The following LDAH variants were observed in gnomAD, a reference collection of about 807,000 sequenced individuals.
The protein encoded by LDAH is lipid droplet associated hydrolase.
A neutral mutation model predicts 29.6 loss-of-function variants in LDAH; 26 were observed. The ratio of observed to expected loss-of-function variants is 0.88; its 90% CI spans 0.64 to 1.22. The LOEUF is 1.22. LDAH is among the 50% of genes most tolerant of loss of function. The pLI is 0.00. For missense variants in LDAH, 344 were observed against 387.3 expected, an observed-to-expected ratio of 0.89 and a Z score of 0.94; for synonymous variants, 117 against 133.0, an observed-to-expected ratio of 0.88 and a Z score of 0.83.
downstream of LDAH, among the ~76,000 whole-genome samples, chr2:20,682,633 T>C (rs1395308053): frequency 2.0e-5 from 3 of 152,138 alleles, no homozygotes; most frequent in Admixed American, 6.5e-5. Flanking sequence ...GAACAAGAGA[T>C]CAAACTTGCA....
chr2:20,740,000 G>A lies in LDAH; in HGVS notation c.674C>T (p.Pro225Leu). 6.2e-7 allele frequency: 1 copy of A among 1,613,716 alleles called. No individual in the cohort carries two copies. The highest frequency in any genetic ancestry group is 8.5e-7 in the Non-Finnish European group (1 of 1,179,704). Reference protein sequence around the residue: ...QVMNLENEFSPLNILEPFCLA... With the variant: ...QVMNLENEFSLLNILEPFCLA... ...GCAGAATGGTTCTAATATATTCAAT[G>A]GTGAAAATTCATTCTCTAGGTTCAT... The change falls in exon 5 of 7, where the codon CCA (proline) becomes CTA (leucine). Residue 225 changes from proline to leucine, a missense_variant. Pro to Leu is a moderately conservative substitution (Grantham distance 98, BLOSUM62 -3). Coordinates refer to ENST00000237822, the MANE Select transcript of LDAH (RefSeq NM_021925.4).
chr2:20,716,536 T>C (rs1004429802), intron 5 of LDAH, among the ~76,000 whole-genome samples: 6 of 146,130 alleles, frequency 4.1e-5, no homozygotes, highest in East Asian at 2.0e-4. Context: ...ATGAGAACAC[T>C]TGGACACAGG....
chr2:20,693,301 G>A (rs574471342), intron 6 of LDAH, among the ~76,000 whole-genome samples: 1 of 152,142 alleles, frequency 6.6e-6, no homozygotes, highest in Non-Finnish European at 1.5e-5. Context: ...CCCTGCTCAA[G>A]GAAAAAGAAT....
In LDAH at chr2:20,716,192, A is replaced by G. The variant is rs372922201; in HGVS notation, c.704-14540T>C. On this transcript the variant is annotated intron_variant, in intron 5 of 6. Transcript: ENST00000237822. ...GGCAATTCCTCAAGGATCTAGAACT[A>G]GAAATACCATTTGATCCAGCGATCC... is the stretch of plus-strand genomic sequence containing the variant. Among the ~76,000 whole-genome samples the G allele has an allele frequency of 1.5e-3, 225 of 152,302 alleles. 4 individuals carry two copies. The South Asian group carries it at 0.043, about 29-fold the overall frequency.
chr2:20,761,177 A>T (rs559614581), intron 4 of LDAH, among the ~76,000 whole-genome samples: 1 of 152,338 alleles, frequency 6.6e-6, no homozygotes, highest in African/African-American at 2.4e-5. Flanking sequence ...AGGTCAATGC[A>T]GTGGTTAATC....
At chr2:20,821,558 T>G (rs566120795) in intron 1 of LDAH, among the ~76,000 whole-genome samples, 16 of 152,158 alleles carry the variant, frequency 1.1e-4, no homozygotes, top group African/African-American at 3.1e-4. Context: ...TAGGTGGGAA[T>G]TGAACAATGA....
intron 4 of LDAH, among the ~76,000 whole-genome samples, chr2:20,755,129 T>TTGTGTGTGTGTGTG (rs70939051): frequency 4.2e-4 from 50 of 118,296 alleles, no homozygotes; most frequent in African/African-American, 1.7e-3. Context: ...GTGTCTGTGT[T>TTGTGTGTGTGTGTG]TGTGTGTGTG....
In LDAH at chr2:20,685,752, G is replaced by C; in HGVS notation, c.*1151C>G. ...TCAATTTAGGGGAGGCAGCAATATT[G>C]TCAGCCCACTCTAGGCCAGGGAATA... On this transcript the variant is annotated 3_prime_UTR_variant, in exon 7 of 7. Coordinates refer to ENST00000237822, the MANE Select transcript of LDAH (RefSeq NM_021925.4). 2 of 1,431,766 alleles carry C rather than the reference G, an allele frequency of 1.4e-6. No individual in the cohort carries two copies. Among genetic ancestry groups the C allele is most frequent in the Non-Finnish European group, 1.9e-6 (2 of 1,072,150 alleles). 88.7% of individuals were successfully genotyped at this position (1,431,766 alleles called of 1,614,324 possible).
chr2:20,738,551 G>T (rs1666965615), intron 5 of LDAH, among the ~76,000 whole-genome samples: 2 of 152,050 alleles, frequency 1.3e-5, no homozygotes, highest in Non-Finnish European at 2.9e-5. Context: ...CTCTCTTAGG[G>T]TCTGGATCGG....
chr2:20,728,638 T>C (rs967513857), intron 5 of LDAH, among the ~76,000 whole-genome samples: 6 of 152,054 alleles, frequency 3.9e-5, no homozygotes, highest in African/African-American at 1.2e-4. Flanking sequence ...GTGAGGGTTA[T>C]TGCAAGAGGA....
intron 3 of LDAH, among the ~76,000 whole-genome samples, chr2:20,778,108 C>T (rs537188490): frequency 2.0e-5 from 3 of 152,288 alleles, no homozygotes; most frequent in Non-Finnish European, 4.4e-5. Context: ...AGAGATCAGA[C>T]TGTTATTGTA....
chr2:20,783,975 AGTGCTGGAATTACGGGC>A (rs1257589034), intron 3 of LDAH, among the ~76,000 whole-genome samples: 1 of 152,160 alleles, frequency 6.6e-6, no homozygotes, highest in Non-Finnish European at 1.5e-5. Context: ...GTCCTCCCAA[AGTGCTGGAATTACGGGC>A]GTGTATAACT....
intron 6 of LDAH, among the ~76,000 whole-genome samples, chr2:20,692,178 C>A (rs1263400867): frequency 6.6e-6 from 1 of 152,182 alleles, no homozygotes; most frequent in East Asian, 1.9e-4. Context: ...TGCCCTGGAA[C>A]AGCTCACAGA....
chr2:20,821,368 A>C (rs920551796), intron 1 of LDAH, among the ~76,000 whole-genome samples: 5 of 152,236 alleles, frequency 3.3e-5, no homozygotes, highest in African/African-American at 1.2e-4. Flanking sequence ...AACCAACCCA[A>C]ACGTCCAACA....
intron 3 of LDAH, among the ~76,000 whole-genome samples, chr2:20,781,504 C>A (rs1272949543): frequency 6.6e-6 from 1 of 152,200 alleles, no homozygotes; most frequent in East Asian, 1.9e-4. Context: ...TCTTGGACAG[C>A]AAATAATATA....
intron 1 of LDAH, 74 bp from the exon 2 acceptor site, chr2:20,801,539 A>G: frequency 7.6e-7 from 1 of 1,315,916 alleles, no homozygotes; most frequent in Non-Finnish European, 1.1e-6. Context: ...AAATTCAAGA[A>G]TAAAAAAGGG....
chr2:20,726,138 G>T (rs1665996598), intron 5 of LDAH, among the ~76,000 whole-genome samples: 1 of 152,218 alleles, frequency 6.6e-6, no homozygotes, highest in African/African-American at 2.4e-5. Context: ...TTTGGTCACA[G>T]CACAAGGGCT....
At chr2:20,772,322 T>C (rs1190409924) in intron 4 of LDAH, among the ~76,000 whole-genome samples, 1 of 152,228 alleles carries the variant, frequency 6.6e-6, no homozygotes, top group African/African-American at 2.4e-5. Context: ...GCAAGTATCC[T>C]TTTTAATGTT....
chr2:20,808,024 AAT>A (rs1672198276), intron 1 of LDAH, among the ~76,000 whole-genome samples: 1 of 152,128 alleles, frequency 6.6e-6, no homozygotes, highest in Non-Finnish European at 1.5e-5. Context: ...ATGAAAATCA[AAT>A]ATATTTCTAC....
Sources: gnomAD v4.1 joint callset for allele counts (sites outside exome capture counted in the v4.1 genomes callset) on GRCh38, gnomAD v4.1.1 for gene constraint, MANE v1.5 for transcripts, NCBI Gene and HGNC (gene_info 2026-07-23, HGNC 2026-07-21) for gene names.